The following PDE10A variants were observed in gnomAD, a reference collection of about 807,000 sequenced individuals.
The protein encoded by PDE10A is cAMP and cAMP-inhibited cGMP 3',5'-cyclic phosphodiesterase 10A.
In PDE10A, 39 loss-of-function variants were observed where a neutral mutation model predicts 97.7. The ratio of observed to expected loss-of-function variants is 0.40; its 90% confidence interval spans 0.31 to 0.52. The LOEUF is 0.52. Ranked by LOEUF, PDE10A falls within the 20% of genes least tolerant of loss-of-function variation. The pLI, the probability that PDE10A is intolerant of heterozygous loss-of-function variation, is 0.56. For synonymous variants in PDE10A, 371 were observed against 376.8 expected, an observed-to-expected ratio of 0.98 and a Z score of 0.18; for missense variants, 731 against 1,047.8, an observed-to-expected ratio of 0.70 and a Z score of 4.17.
At chr6:165,554,800 T>C (rs1225234326) in intron 1 of PDE10A, among the ~76,000 whole-genome samples, 2 of 152,074 alleles carry the variant, frequency 1.3e-5, no homozygotes, top group Non-Finnish European at 2.9e-5. Flanking sequence ...ATAAAGAAAA[T>C]GTGGTATATA....
intron 1 of PDE10A, among the ~76,000 whole-genome samples, chr6:165,604,301 C>A (rs761913867): frequency 1.5e-4 from 23 of 152,106 alleles, no homozygotes; most frequent in Non-Finnish European, 2.8e-4. Flanking sequence ...AGACCCCCAC[C>A]AATAAATACT....
chr6:165,525,503 A>G (rs956101842), intron 2 of PDE10A, among the ~76,000 whole-genome samples: 21 of 152,094 alleles, frequency 1.4e-4, no homozygotes, highest in African/African-American at 5.1e-4. Context: ...AGGATGGTGG[A>G]GTGGATTAGA....
intron 7 of PDE10A, 50 bp downstream of exon 7, chr6:165,432,924 T>G: frequency 4.3e-6 from 6 of 1,400,502 alleles, no homozygotes; most frequent in Non-Finnish European, 5.0e-6. Flanking sequence ...GCACCTTCAA[T>G]GAGCTAGGTA....
chr6:165,681,823 C>G (rs549480088), intron 1 of PDE10A, among the ~76,000 whole-genome samples: 12 of 152,076 alleles, frequency 7.9e-5, no homozygotes, highest in South Asian at 2.1e-4. Context: ...GAGCTGGCTA[C>G]TAGAGGAAGT....
intron 1 of PDE10A, among the ~76,000 whole-genome samples, chr6:165,798,882 G>GT (rs1319850177): frequency 3.3e-5 from 5 of 152,036 alleles, no homozygotes; most frequent in Admixed American, 2.6e-4. Context: ...TAATTTTGGT[G>GT]TTTTTTGTAG....
intron 1 of PDE10A, among the ~76,000 whole-genome samples, chr6:165,693,734 T>C (rs753422411): frequency 1.1e-4 from 16 of 152,296 alleles, no homozygotes; most frequent in Middle Eastern, 3.4e-3. Context: ...AGAACAGTAC[T>C]GTGCTTCCCA....
In PDE10A at chr6:165,418,803, G is replaced by T; in HGVS notation, c.1654-26C>A. On this transcript the variant is annotated intron_variant, in intron 10 of 21. Coordinates refer to ENST00000539869, the MANE Select transcript of PDE10A (RefSeq NM_001385079.1). The surrounding 1 kb of genome is among the most constrained non-coding windows in gnomAD (Gnocchi z 4.8). The stretch of plus-strand genomic sequence containing the variant: ...CTAAAGACAAATGACAAAATAAGAG[G>T]AAGACAATGAGACATTCAAAGAACT... The T allele has an allele frequency of 6.3e-7, 1 of 1,599,982 alleles. No individual in the cohort carries two copies. The highest frequency in any genetic ancestry group is 2.2e-5 in the East Asian group (1 of 44,816).
Position 165,450,163 on chromosome 6 carries a change from C to A in PDE10A, c.1144+79G>T. 3 of 903,556 alleles carry A rather than the reference C, an allele frequency of 3.3e-6. No individual in the cohort carries two copies. In the East Asian group the frequency reaches 8.1e-5, roughly 24 times the overall value. The allele number at this position is 903,556 out of a possible 1,614,324, so 56.0% of individuals were successfully genotyped here. On this transcript the variant is annotated intron_variant, in intron 4 of 21. Transcript: ENST00000539869. ...AAATATAAATGACTTTCATCTGCCT[C>A]TTAGTAAGTAGTTTTTGCTGCTTTT...
intron 18 of PDE10A, among the ~76,000 whole-genome samples, chr6:165,374,497 C>T (rs1784485449): frequency 6.6e-6 from 1 of 151,612 alleles, no homozygotes; most frequent in East Asian, 1.9e-4. Flanking sequence ...AAAGTATAAG[C>T]AAAATTTATG....
intron 2 of PDE10A, among the ~76,000 whole-genome samples, chr6:165,540,076 A>AT (rs1302310071): frequency 6.6e-6 from 1 of 152,178 alleles, no homozygotes; most frequent in Non-Finnish European, 1.5e-5. Flanking sequence ...GAGGTTTAGT[A>AT]TTTAACCCTC....
rs1336224189 is a variant in PDE10A at position 165,484,389 on chromosome 6, T to G, written c.995-2046A>C. Among the ~76,000 whole-genome samples the G allele has an allele frequency of 2.0e-5, 3 of 152,232 alleles. 1 individual carries two copies. The highest frequency in any genetic ancestry group is 2.9e-5 in the Non-Finnish European group (2 of 68,040). On this transcript the variant is annotated intron_variant, in intron 2 of 21. Transcript: ENST00000539869. ...AAGCTTCATCCGTATTCACAACTGC[T>G]CTCTGTCACTGCGTTACTGCCTGAG...
chr6:165,462,663 A>G (rs943294119), intron 3 of PDE10A, among the ~76,000 whole-genome samples: 2 of 152,170 alleles, frequency 1.3e-5, no homozygotes, highest in Non-Finnish European at 2.9e-5. Context: ...AGCCACCCAC[A>G]TGGGGACAGA....
At chr6:165,453,797 C>T (rs1281485320) in intron 3 of PDE10A, among the ~76,000 whole-genome samples, 2 of 152,168 alleles carry the variant, frequency 1.3e-5, no homozygotes, top group Admixed American at 6.5e-5. Flanking sequence ...CAGTGGAGCC[C>T]GCACAGACAG....
At chr6:165,619,604 G>GTAGT (rs1268349568) in intron 1 of PDE10A, among the ~76,000 whole-genome samples, 2 of 151,622 alleles carry the variant, frequency 1.3e-5, no homozygotes, top group Non-Finnish European at 1.5e-5. Flanking sequence ...CTAGCGTAGT[G>GTAGT]CACTGTAGTC....
intron 1 of PDE10A, among the ~76,000 whole-genome samples, chr6:165,903,481 G>A (rs1782170483): frequency 6.6e-6 from 1 of 152,158 alleles, no homozygotes. Flanking sequence ...TTTGGTTGGA[G>A]TTTGGTGCCA....
chr6:165,975,770 C>A (rs1246394937), intron 1 of PDE10A, among the ~76,000 whole-genome samples: 3 of 152,150 alleles, frequency 2.0e-5, no homozygotes, highest in Non-Finnish European at 4.4e-5. Context: ...TTTTTGATGT[C>A]TAGAATAGAA....
chr6:165,713,966 A>C (rs1423223426), intron 1 of PDE10A, among the ~76,000 whole-genome samples: 5 of 152,254 alleles, frequency 3.3e-5, no homozygotes, highest in Admixed American at 3.3e-4. Context: ...AAAATACTTT[A>C]AGCCTGCCTT....
chr6:165,645,486 G>T (rs1377301934), intron 1 of PDE10A, among the ~76,000 whole-genome samples: 2 of 152,164 alleles, frequency 1.3e-5, no homozygotes, highest in Admixed American at 1.3e-4. Context: ...TAAGTCCTTA[G>T]GGTGAGTTTA....
intron 2 of PDE10A, among the ~76,000 whole-genome samples, chr6:165,519,293 T>C (rs546336262): frequency 5.5e-4 from 83 of 152,086 alleles, no homozygotes; most frequent in African/African-American, 1.9e-3. Context: ...TTTGAATAAA[T>C]TGAGATATCA....
Sources: allele counts gnomAD v4.1 joint callset (sites outside exome capture counted in the v4.1 genomes callset), GRCh38; gene constraint gnomAD v4.1.1; non-coding constraint Gnocchi (gnomAD v3.1); transcripts MANE v1.5; gene names NCBI Gene and HGNC (gene_info 2026-07-23, HGNC 2026-07-21).